Variants in GPC5 observed in about 807,000 individuals in gnomAD.
GPC5 encodes the protein glypican 5, also known as glypican-5.
In GPC5, 47 loss-of-function variants were observed where a neutral mutation model predicts 53.9. The observed-to-expected ratio is 0.87, with a 90% CI of 0.69 to 1.11. The LOEUF (loss-of-function observed/expected upper bound fraction) is 1.11, where lower values mean the gene tolerates loss of function less well. Ranked by LOEUF, GPC5 falls within the 50% of genes most tolerant of loss-of-function variation. The probability of loss-of-function intolerance (pLI) is 0.00; values close to 1 mark genes in which losing one functional copy is unlikely to be tolerated. For synonymous variants in GPC5, 286 were observed against 263.3 expected (o/e 1.09, Z -0.84); for missense variants, 748 against 713.1 (o/e 1.05, Z -0.56).
intron 2 of GPC5, among the ~76,000 whole-genome samples, chr13:91,651,976 G>A (rs1212650083): frequency 6.6e-6 from 1 of 152,140 alleles, no homozygotes; most frequent in Admixed American, 6.5e-5. Flanking sequence ...TCCTACTCTG[G>A]AGTTCTGAGT....
At chr13:92,073,895 T>C (rs1039375382) in intron 6 of GPC5, among the ~76,000 whole-genome samples, 2 of 152,202 alleles carry the variant, frequency 1.3e-5, no homozygotes, top group African/African-American at 4.8e-5. Context: ...CCCATCCTGC[T>C]GTTCTTGTGA....
At chr13:91,401,737 G>A (rs1876969627) in intron 1 of GPC5, among the ~76,000 whole-genome samples, 1 of 152,092 alleles carries the variant, frequency 6.6e-6, no homozygotes, top group African/African-American at 2.4e-5. Flanking sequence ...TGATAAAAAT[G>A]TTATCCAAAT....
At chr13:92,044,535 A>G (rs907405484) in intron 6 of GPC5, among the ~76,000 whole-genome samples, 13 of 152,194 alleles carry the variant, frequency 8.5e-5, no homozygotes, top group African/African-American at 2.9e-4. Context: ...ACTTTGCCAA[A>G]TGACTTGGTT....
chr13:92,258,669 G>C (rs910723455), intron 7 of GPC5, among the ~76,000 whole-genome samples: 1 of 152,100 alleles, frequency 6.6e-6, no homozygotes, highest in Non-Finnish European at 1.5e-5. Flanking sequence ...ATGGTAATTG[G>C]TAAAGCCTCA....
At chr13:92,334,115 G>C (rs933628216) in intron 7 of GPC5, among the ~76,000 whole-genome samples, 1 of 152,122 alleles carries the variant, frequency 6.6e-6, no homozygotes, top group Non-Finnish European at 1.5e-5. Flanking sequence ...TTCTGTATTA[G>C]TTCATTTTCA....
chr13:92,602,929 C>A (rs1884128617), intron 7 of GPC5, among the ~76,000 whole-genome samples: 1 of 151,960 alleles, frequency 6.6e-6, no homozygotes, highest in South Asian at 2.1e-4. Flanking sequence ...GACATAGGTG[C>A]AAGTATCCAA....
intron 7 of GPC5, among the ~76,000 whole-genome samples, chr13:92,425,549 T>C (rs777927005): frequency 6.6e-6 from 1 of 152,020 alleles, no homozygotes; most frequent in Non-Finnish European, 1.5e-5. Context: ...AACTAAGGAG[T>C]GGCTGTCCAG....
intron 6 of GPC5, among the ~76,000 whole-genome samples, chr13:91,986,855 G>T (rs1340280619): frequency 3.4e-5 from 5 of 147,184 alleles, no homozygotes; most frequent in Admixed American, 2.7e-4. Flanking sequence ...TTTCTACAGC[G>T]TGTTTAAGCC....
chr13:92,562,952 C>A (rs763814236), intron 7 of GPC5, among the ~76,000 whole-genome samples: 78 of 151,974 alleles, frequency 5.1e-4, no homozygotes, highest in Non-Finnish European at 9.1e-4. Flanking sequence ...AAGGGAAGCT[C>A]CAAAGCACAA....
chr13:91,823,676 T>G (rs1459160335), intron 5 of GPC5, among the ~76,000 whole-genome samples: 1 of 152,094 alleles, frequency 6.6e-6, no homozygotes, highest in African/African-American at 2.4e-5. Flanking sequence ...TCTTAAAAAT[T>G]ATGACCCAAA....
chr13:91,974,361 T>C (rs1042369858), intron 6 of GPC5, among the ~76,000 whole-genome samples: 2 of 152,122 alleles, frequency 1.3e-5, no homozygotes, highest in Non-Finnish European at 2.9e-5. Context: ...ATTGTATATC[T>C]AGAAAAACCC....
At chr13:91,776,374 C>A (rs1008057532) in intron 5 of GPC5, among the ~76,000 whole-genome samples, 2 of 152,268 alleles carry the variant, frequency 1.3e-5, no homozygotes, top group East Asian at 3.9e-4. Context: ...TTTGTTTATA[C>A]ATCCTTATAG....
rs1228320446 is a variant in GPC5, at chr13:91,443,574, G to GT, written c.164-5186dup. On this transcript the variant is annotated intron_variant, in intron 1 of 7. Coordinates refer to ENST00000377067, the MANE Select transcript of GPC5 (RefSeq NM_004466.6). ...TGATAGCTTCTTTGCTATCTGCTAC[G>GT]TAAGATGTTTTAGTCAGACTGTCAT... Among the ~76,000 whole-genome samples, 5 of 152,128 alleles carry GT rather than the reference G, an allele frequency of 3.3e-5. No homozygotes were observed. The East Asian group carries it at 9.6e-4, about 29-fold the overall frequency.
chr13:91,498,729 G>C (rs1234322302), intron 2 of GPC5, among the ~76,000 whole-genome samples: 2 of 152,108 alleles, frequency 1.3e-5, no homozygotes, highest in Non-Finnish European at 2.9e-5. Flanking sequence ...GTTGCACTTT[G>C]GGAGGCTGAG....
chr13:92,633,988 G>T (rs1594368210), intron 7 of GPC5, among the ~76,000 whole-genome samples: 1 of 152,022 alleles, frequency 6.6e-6, no homozygotes, highest in Non-Finnish European at 1.5e-5. Context: ...ATTAAGAAAT[G>T]TTAATATTTT....
chr13:92,565,328 T>A (rs889407269), intron 7 of GPC5, among the ~76,000 whole-genome samples: 1 of 152,114 alleles, frequency 6.6e-6, no homozygotes, highest in Non-Finnish European at 1.5e-5. Context: ...TTGGTTTTTT[T>A]ATTTCTTTTC....
At chr13:92,476,682 G>A (rs1594234737) in intron 7 of GPC5, among the ~76,000 whole-genome samples, 1 of 149,084 alleles carries the variant, frequency 6.7e-6, no homozygotes, top group African/African-American at 2.5e-5. Context: ...AAGAAAATGT[G>A]GCGCATATAC....
intron 7 of GPC5, among the ~76,000 whole-genome samples, chr13:92,757,174 G>A (rs1325084332): frequency 6.6e-5 from 10 of 152,126 alleles, no homozygotes; most frequent in South Asian, 2.1e-4. Context: ...CTGAAATAAC[G>A]CCGCATATCT....
intron 6 of GPC5, among the ~76,000 whole-genome samples, chr13:91,977,434 A>T (rs989328393): frequency 6.6e-6 from 1 of 152,184 alleles, no homozygotes; most frequent in Non-Finnish European, 1.5e-5. Context: ...ATATTTTTTC[A>T]GCTCTGTATC....
Sources: gnomAD v4.1 joint callset for allele counts (sites outside exome capture counted in the v4.1 genomes callset) on GRCh38, gnomAD v4.1.1 for gene constraint, MANE v1.5 for transcripts, NCBI Gene and HGNC (gene_info 2026-07-23, HGNC 2026-07-21) for gene names.